The following MICU3 variants were observed in gnomAD, a reference collection of about 807,000 sequenced individuals.
The protein encoded by MICU3 is mitochondrial calcium uptake 3, also known as calcium uptake protein 3, mitochondrial.
MICU3 carries 62 observed loss-of-function variants against 66.5 expected under a neutral mutation model. That is an observed-to-expected ratio of 0.93 (90% CI 0.76 to 1.15). The LOEUF (loss-of-function observed/expected upper bound fraction) is 1.15, where lower values mean the gene tolerates loss of function less well. MICU3 is among the 50% of genes most tolerant of loss of function. MICU3 has a pLI of 0.00. For missense variants in MICU3, 779 were observed against 664.4 expected (o/e 1.17, Z -1.90); for synonymous variants, 308 against 240.7 (o/e 1.28, Z -2.59).
chr8:17,085,010 A>T (rs1259240378), intron 5 of MICU3, among the ~76,000 whole-genome samples: 1 of 152,038 alleles, frequency 6.6e-6, no homozygotes, highest in African/African-American at 2.4e-5. Flanking sequence ...AAGTATTCAA[A>T]TTTTTCTCTC....
intron 3 of MICU3, among the ~76,000 whole-genome samples, chr8:17,073,611 C>T (rs1469317918): frequency 1.3e-5 from 2 of 152,156 alleles, no homozygotes; most frequent in African/African-American, 4.8e-5. Flanking sequence ...ATCCCCAGAA[C>T]ATTTCCTCTT....
intron 13 of MICU3, among the ~76,000 whole-genome samples, chr8:17,117,060 C>T (rs1802752714): frequency 6.6e-6 from 1 of 152,168 alleles, no homozygotes; most frequent in Non-Finnish European, 1.5e-5. Context: ...TCACTGCAGC[C>T]TTGAACTCCT....
chr8:17,028,247 CTT>C (rs1239819640), intron 1 of MICU3, among the ~76,000 whole-genome samples: 2 of 152,154 alleles, frequency 1.3e-5, no homozygotes, highest in Admixed American at 6.5e-5. Flanking sequence ...GTATTTCTCT[CTT>C]TTTCCTTCCC....
chr8:17,096,029 A>G (rs1477979268), intron 8 of MICU3, among the ~76,000 whole-genome samples: 1 of 151,960 alleles, frequency 6.6e-6, no homozygotes, highest in Non-Finnish European at 1.5e-5. Context: ...GGGCTACCTA[A>G]CTGTATATTC....
chr8:17,073,434 T>C (rs1819905475), intron 3 of MICU3, among the ~76,000 whole-genome samples: 1 of 152,052 alleles, frequency 6.6e-6, no homozygotes, highest in Non-Finnish European at 1.5e-5. Flanking sequence ...CCTGATGATA[T>C]GTCACTGTCT....
chr8:17,084,155 C>A (rs143832557), intron 5 of MICU3, among the ~76,000 whole-genome samples: 225 of 152,114 alleles, frequency 1.5e-3, no homozygotes, highest in African/African-American at 5.1e-3. Context: ...TCTTGGTTAC[C>A]TATCTATAAG....
At chr8:17,081,893 G>C (rs1244074973) in intron 5 of MICU3, 153 bp downstream of exon 5, 3 of 502,820 alleles carry the variant, frequency 6.0e-6, no homozygotes, top group African/African-American at 4.1e-5. Context: ...GCTAAGCATA[G>C]CACTGTAAAG....
intron 7 of MICU3, 47 bp from the exon 8 acceptor site, chr8:17,090,499 C>T (rs760193165): frequency 6.4e-7 from 1 of 1,560,266 alleles, no homozygotes; most frequent in Non-Finnish European, 8.7e-7. Context: ...TACTTGGGTT[C>T]ATTCTGAAAT....
chr8:17,108,020 A>G (rs1188868458), intron 11 of MICU3, among the ~76,000 whole-genome samples: 1 of 152,142 alleles, frequency 6.6e-6, no homozygotes, highest in East Asian at 1.9e-4. Flanking sequence ...AAGGGGTCAG[A>G]TATTGATTGG....
In MICU3 at chr8:17,081,698, A is replaced by C; in HGVS notation, c.652A>C (p.Ile218Leu). The C allele has an allele frequency of 1.1e-6, 1 of 882,822 alleles. No homozygotes were observed. Among genetic ancestry groups the C allele is most frequent in the Middle Eastern group, 2.9e-4 (1 of 3,434 alleles). The allele number at this position is 882,822 out of a possible 1,614,324, so 54.7% of individuals were successfully genotyped here. ...TGATACTATTTTTCTTGTAGGTGTG[A>C]TTTCTTACACAGAATATCTTTTTCT... is the stretch of plus-strand genomic sequence containing the variant. ...LFRNLKEKGVISYTEYLFLLC... is the reference protein window; with the variant it reads ...LFRNLKEKGVLSYTEYLFLLC... Residue 218 changes from isoleucine to leucine, a missense_variant, in exon 5 of 15, where the codon ATT (isoleucine) becomes CTT (leucine). Ile to Leu is a conservative substitution (Grantham distance 5, BLOSUM62 2). Transcript: ENST00000318063.
chr8:17,098,386 T>A, intron 8 of MICU3, 72 bp from the exon 9 acceptor site: 1 of 1,035,386 alleles, frequency 9.7e-7, no homozygotes, highest in Non-Finnish European at 1.5e-6. Flanking sequence ...TTGGTTAGAT[T>A]TAAAGTGTAT....
intron 1 of MICU3, among the ~76,000 whole-genome samples, chr8:17,057,052 G>C (rs555919456): frequency 6.6e-6 from 1 of 152,332 alleles, no homozygotes; most frequent in African/African-American, 2.4e-5. Context: ...AGTTTGGTTA[G>C]TATTAGCTTA....
At chr8:17,048,259 C>T (rs1815429026) in intron 1 of MICU3, among the ~76,000 whole-genome samples, 2 of 152,108 alleles carry the variant, frequency 1.3e-5, no homozygotes, top group Non-Finnish European at 2.9e-5. Flanking sequence ...ATTTATAGTA[C>T]ATAGCCCTCA....
chr8:17,029,217 T>C (rs934292566), intron 1 of MICU3, among the ~76,000 whole-genome samples: 1 of 152,248 alleles, frequency 6.6e-6, no homozygotes, highest in Non-Finnish European at 1.5e-5. Context: ...GGCTCACGCC[T>C]GTAATCCCAG....
chr8:17,050,286 A>T (rs1007763839), intron 1 of MICU3, among the ~76,000 whole-genome samples: 6 of 151,964 alleles, frequency 3.9e-5, no homozygotes, highest in African/African-American at 1.2e-4. Context: ...ATTTTTGTGA[A>T]TTTTAAAAAT....
intron 8 of MICU3, among the ~76,000 whole-genome samples, chr8:17,095,520 C>T (rs1800579321): frequency 6.6e-6 from 1 of 151,826 alleles, no homozygotes; most frequent in Non-Finnish European, 1.5e-5. Flanking sequence ...ATAGCAAAAA[C>T]AGTTTACTAT....
chr8:17,073,185 T>A (rs1047524392), intron 3 of MICU3, among the ~76,000 whole-genome samples: 1 of 152,212 alleles, frequency 6.6e-6, no homozygotes, highest in African/African-American at 2.4e-5. Context: ...CTTGTAGAAA[T>A]GCATACTAGA....
chr8:17,107,579 A>G (rs1585533852), intron 11 of MICU3, among the ~76,000 whole-genome samples: 1 of 152,066 alleles, frequency 6.6e-6, no homozygotes, highest in Non-Finnish European at 1.5e-5. Flanking sequence ...AGGAGTCAGC[A>G]AACTACTGCA....
At chr8:17,107,088 C>G (rs1352969328) in intron 11 of MICU3, among the ~76,000 whole-genome samples, 1 of 152,104 alleles carries the variant, frequency 6.6e-6, no homozygotes, top group Non-Finnish European at 1.5e-5. Flanking sequence ...TGGCTTTATT[C>G]CAACCACTGG....
Sources: allele counts gnomAD v4.1 joint callset (sites outside exome capture counted in the v4.1 genomes callset), GRCh38; gene constraint gnomAD v4.1.1; transcripts MANE v1.5; gene names NCBI Gene and HGNC (gene_info 2026-07-23, HGNC 2026-07-21).